The following DOCK4 variants were observed in gnomAD, a reference collection of about 807,000 sequenced individuals.
DOCK4 encodes the protein dedicator of cytokinesis protein 4.
A neutral mutation model predicts 268.1 loss-of-function variants in DOCK4; 97 were observed. That is an observed-to-expected ratio of 0.36 (90% confidence interval 0.31 to 0.43). DOCK4 has a LOEUF of 0.43. Ranked by LOEUF, DOCK4 falls within the 20% of genes least tolerant of loss-of-function variation. The probability of loss-of-function intolerance (pLI) is 1.00; values close to 1 mark genes in which losing one functional copy is unlikely to be tolerated. For missense variants in DOCK4, 2,145 were observed against 2,455.7 expected, an observed-to-expected ratio of 0.87 and a Z score of 2.67; for synonymous variants, 954 against 887.2, an observed-to-expected ratio of 1.08 and a Z score of -1.34.
At chr7:111,859,074 A>G (rs1648453868) in intron 23 of DOCK4, among the ~76,000 whole-genome samples, 1 of 152,136 alleles carries the variant, frequency 6.6e-6, no homozygotes, top group Non-Finnish European at 1.5e-5. Flanking sequence ...GTGGGAGTGC[A>G]GTGGTGCGAT....
At chr7:112,104,007 G>C (rs916583483) in intron 1 of DOCK4, among the ~76,000 whole-genome samples, 1 of 152,138 alleles carries the variant, frequency 6.6e-6, no homozygotes, top group Non-Finnish European at 1.5e-5. Flanking sequence ...ACAAGATACA[G>C]GGCTAACTTC....
At chr7:111,818,352 C>T (rs1253180700) in intron 27 of DOCK4, among the ~76,000 whole-genome samples, 1 of 152,174 alleles carries the variant, frequency 6.6e-6, no homozygotes, top group Non-Finnish European at 1.5e-5. Context: ...TCTAGTACAC[C>T]TCAAACTTAT....
chr7:112,166,466 T>C (rs963743206), intron 1 of DOCK4, among the ~76,000 whole-genome samples: 20 of 152,360 alleles, frequency 1.3e-4, no homozygotes, highest in Non-Finnish European at 2.5e-4. Flanking sequence ...TGTATGTGCG[T>C]ACGTTATTCT....
At chr7:111,816,417 C>T (rs1801559739) in intron 27 of DOCK4, among the ~76,000 whole-genome samples, 1 of 152,174 alleles carries the variant, frequency 6.6e-6, no homozygotes, top group Admixed American at 6.5e-5. Flanking sequence ...TCGTGGATAA[C>T]CAATGTGGGA....
At chr7:111,916,860 C>T (rs1315232728) in intron 12 of DOCK4, among the ~76,000 whole-genome samples, 1 of 151,560 alleles carries the variant, frequency 6.6e-6, no homozygotes, top group Non-Finnish European at 1.5e-5. Context: ...TATTTGGTTA[C>T]ATGAGTAAGT....
At chr7:111,738,885 C>T (rs886611646) in intron 49 of DOCK4, among the ~76,000 whole-genome samples, 8 of 152,022 alleles carry the variant, frequency 5.3e-5, no homozygotes, top group Admixed American at 4.6e-4. Flanking sequence ...TTGCAGTGAG[C>T]CAGGATTGTG....
At chr7:111,942,301 T>C (rs980773097) in intron 10 of DOCK4, among the ~76,000 whole-genome samples, 1 of 152,170 alleles carries the variant, frequency 6.6e-6, no homozygotes, top group African/African-American at 2.4e-5. Flanking sequence ...AGAAGTGAGG[T>C]ACTGTTGCTC....
At chr7:111,929,641 C>G (rs990908926) in intron 12 of DOCK4, among the ~76,000 whole-genome samples, 2 of 152,124 alleles carry the variant, frequency 1.3e-5, no homozygotes, top group African/African-American at 4.8e-5. Flanking sequence ...TCTCAAAAAG[C>G]CTCCTTTCAC....
intron 1 of DOCK4, among the ~76,000 whole-genome samples, chr7:112,178,957 C>T (rs1818761954): frequency 6.6e-6 from 1 of 152,140 alleles, no homozygotes. Context: ...TGAAAGACAG[C>T]AACTTCAGAT....
chr7:112,197,974 A>AC (rs1820609158), intron 1 of DOCK4, among the ~76,000 whole-genome samples: 1 of 151,156 alleles, frequency 6.6e-6, no homozygotes, highest in Non-Finnish European at 1.5e-5. Flanking sequence ...TGCCTAGAAA[A>AC]AAAAAAAAAA....
chr7:111,884,299 C>G (rs994988352), intron 16 of DOCK4, among the ~76,000 whole-genome samples: 3 of 152,180 alleles, frequency 2.0e-5, no homozygotes, highest in African/African-American at 7.2e-5. Flanking sequence ...ATATTCTCTT[C>G]TCACACAATC....
intron 8 of DOCK4, among the ~76,000 whole-genome samples, chr7:111,959,281 T>C (rs1796678747): frequency 1.3e-5 from 2 of 152,088 alleles, no homozygotes; most frequent in African/African-American, 4.8e-5. Context: ...ATTTTTGTTC[T>C]CAAACAAAGT....
intron 12 of DOCK4, among the ~76,000 whole-genome samples, chr7:111,932,754 GT>G (rs1794305185): frequency 1.3e-5 from 2 of 152,004 alleles, no homozygotes; most frequent in African/African-American, 4.8e-5. Flanking sequence ...AATACGGTAT[GT>G]TCTTTACAAT....
intron 1 of DOCK4, among the ~76,000 whole-genome samples, chr7:112,141,046 C>T (rs1814874828): frequency 6.6e-6 from 1 of 152,134 alleles, no homozygotes; most frequent in African/African-American, 2.4e-5. Context: ...GAATGACACA[C>T]CCGGAACTAC....
chr7:112,141,290 A>G (rs987324590), intron 1 of DOCK4, among the ~76,000 whole-genome samples: 1 of 152,122 alleles, frequency 6.6e-6, no homozygotes, highest in African/African-American at 2.4e-5. Flanking sequence ...TTACCAGAAG[A>G]CCACTCAAAA....
At chr7:111,845,839 T>A (rs1182713213) in intron 24 of DOCK4, among the ~76,000 whole-genome samples, 1 of 152,124 alleles carries the variant, frequency 6.6e-6, no homozygotes, top group Non-Finnish European at 1.5e-5. Context: ...TAACTTACAT[T>A]TTACTCTCAG....
intron 1 of DOCK4, among the ~76,000 whole-genome samples, chr7:112,019,343 T>C (rs555894751): frequency 6.6e-6 from 1 of 152,310 alleles, no homozygotes; most frequent in Non-Finnish European, 1.5e-5. Context: ...TATGACTTTT[T>C]CTCCTTTTAT....
At chr7:111,996,832 C>T (rs934961179) in intron 4 of DOCK4, among the ~76,000 whole-genome samples, 2 of 152,170 alleles carry the variant, frequency 1.3e-5, no homozygotes, top group Non-Finnish European at 2.9e-5. Flanking sequence ...ATTTAAAAAC[C>T]ATATCCTACC....
At chr7:112,030,452 T>C (rs1341338819) in intron 1 of DOCK4, among the ~76,000 whole-genome samples, 1 of 152,192 alleles carries the variant, frequency 6.6e-6, no homozygotes, top group Non-Finnish European at 1.5e-5. Context: ...ACTACAAAAA[T>C]CATGAAACAG....
Sources: allele counts gnomAD v4.1 joint callset (sites outside exome capture counted in the v4.1 genomes callset), GRCh38; gene constraint gnomAD v4.1.1; transcripts MANE v1.5; gene names NCBI Gene and HGNC (gene_info 2026-07-23, HGNC 2026-07-21).